Variants in GRM8 observed in about 807,000 individuals in gnomAD.
GRM8 encodes metabotropic glutamate receptor 8.
In GRM8, 47 loss-of-function variants were observed where a neutral mutation model predicts 87.2. That is an observed-to-expected ratio of 0.54 (90% CI 0.43 to 0.69). The LOEUF (loss-of-function observed/expected upper bound fraction) is 0.69. GRM8 is among the 30% of genes least tolerant of loss of function. The pLI, the probability that GRM8 is intolerant of heterozygous loss-of-function variation, is 0.00. For synonymous variants in GRM8, 396 were observed against 404.5 expected (o/e 0.98, Z 0.25); for missense variants, 1,019 against 1,139.2 (o/e 0.89, Z 1.52).
At chr7:127,242,016 T>C (rs1471167054) in intron 2 of GRM8, among the ~76,000 whole-genome samples, 1 of 152,200 alleles carries the variant, frequency 6.6e-6, no homozygotes, top group African/African-American at 2.4e-5. Context: ...AAATGCAACA[T>C]ATGGGTAATA....
intron 6 of GRM8, among the ~76,000 whole-genome samples, chr7:126,799,933 T>G (rs1822464854): frequency 6.6e-6 from 1 of 151,980 alleles, no homozygotes; most frequent in Admixed American, 6.6e-5. Flanking sequence ...TCCAGTAATC[T>G]CCTCCTTCTC....
At chr7:126,864,259 C>T (rs1274355527) in intron 6 of GRM8, among the ~76,000 whole-genome samples, 1 of 151,978 alleles carries the variant, frequency 6.6e-6, no homozygotes, top group Non-Finnish European at 1.5e-5. Flanking sequence ...CTGGTTGTTC[C>T]TTCAGTCTGG....
chr7:127,132,855 G>C (rs1356879961), intron 2 of GRM8, among the ~76,000 whole-genome samples: 2 of 152,088 alleles, frequency 1.3e-5, no homozygotes, highest in Non-Finnish European at 2.9e-5. Context: ...GCAAAAGCAG[G>C]GCACATAGCA....
At chr7:126,488,534 C>A (rs1221965252) in intron 9 of GRM8, among the ~76,000 whole-genome samples, 1 of 152,078 alleles carries the variant, frequency 6.6e-6, no homozygotes, top group East Asian at 1.9e-4. Context: ...GATTTTTTCA[C>A]TTTTGTAAAA....
At chr7:126,953,710 C>A (rs1808389825) in intron 3 of GRM8, among the ~76,000 whole-genome samples, 1 of 152,006 alleles carries the variant, frequency 6.6e-6, no homozygotes, top group African/African-American at 2.4e-5. Flanking sequence ...CCTGAGAGTG[C>A]CCAGGAACCG....
At chr7:126,844,462 C>T (rs548822219) in intron 6 of GRM8, among the ~76,000 whole-genome samples, 3 of 152,200 alleles carry the variant, frequency 2.0e-5, no homozygotes, top group South Asian at 4.1e-4. Flanking sequence ...CTTTAAATGT[C>T]CAAGTCCTTA....
At chr7:126,906,576 A>G (rs1802696768) in intron 3 of GRM8, among the ~76,000 whole-genome samples, 1 of 152,222 alleles carries the variant, frequency 6.6e-6, no homozygotes, top group Non-Finnish European at 1.5e-5. Context: ...CATTAGGTTC[A>G]TCAGCAGGAG....
chr7:126,476,853 A>T (rs1805971974), intron 9 of GRM8, among the ~76,000 whole-genome samples: 1 of 108,866 alleles, frequency 9.2e-6, no homozygotes, highest in South Asian at 3.1e-4. Context: ...CAAAAAAATA[A>T]AAAAAAAACT....
intron 2 of GRM8, among the ~76,000 whole-genome samples, chr7:127,108,091 T>C (rs1189968805): frequency 6.6e-6 from 1 of 152,160 alleles, no homozygotes; most frequent in African/African-American, 2.4e-5. Context: ...TGTGGGACCA[T>C]GAAAACCATC....
chr7:126,563,289 T>C (rs59689022), intron 8 of GRM8, among the ~76,000 whole-genome samples: 45,012 of 142,598 alleles, frequency 0.32, 7,468 homozygotes, highest in East Asian at 0.43. Context: ...TGCCCTGTGG[T>C]TTTTTTTTAA....
intron 7 of GRM8, among the ~76,000 whole-genome samples, chr7:126,759,197 C>G (rs1473865071): frequency 6.6e-6 from 1 of 151,730 alleles, no homozygotes; most frequent in African/African-American, 2.4e-5. Flanking sequence ...GCGCCCAGCC[C>G]CTGTCCCTCA....
At chr7:126,739,568 TC>T (rs1325383772) in intron 7 of GRM8, among the ~76,000 whole-genome samples, 1 of 152,162 alleles carries the variant, frequency 6.6e-6, no homozygotes, top group Non-Finnish European at 1.5e-5. Flanking sequence ...TTATATCACT[TC>T]TTTCCAAGAG....
chr7:126,520,713 T>TA, intron 9 of GRM8, among the ~76,000 whole-genome samples: 1 of 152,134 alleles, frequency 6.6e-6, no homozygotes, highest in African/African-American at 2.4e-5. Context: ...GCGCTATACA[T>TA]AAAAAATATA....
intron 7 of GRM8, among the ~76,000 whole-genome samples, chr7:126,681,971 G>A (rs1807646909): frequency 6.6e-6 from 1 of 151,980 alleles, no homozygotes; most frequent in Non-Finnish European, 1.5e-5. Context: ...TGAATTTGAT[G>A]AGCCATCCCA....
At chr7:126,998,510 A>G (rs1761283974) in intron 3 of GRM8, among the ~76,000 whole-genome samples, 2 of 151,866 alleles carry the variant, frequency 1.3e-5, no homozygotes, top group African/African-American at 2.4e-5. Context: ...GTATTATATT[A>G]TATTTGGTAA....
chr7:127,205,460 A>G (rs1040970143), intron 2 of GRM8, among the ~76,000 whole-genome samples: 1 of 152,088 alleles, frequency 6.6e-6, no homozygotes, highest in African/African-American at 2.4e-5. Context: ...TATGCACAAA[A>G]CCAACCACTC....
chr7:127,210,447 CA>C (rs1198671588), intron 2 of GRM8, among the ~76,000 whole-genome samples: 1 of 152,158 alleles, frequency 6.6e-6, no homozygotes, highest in Non-Finnish European at 1.5e-5. Context: ...AACAATGGAG[CA>C]GTGGTGTTGT....
intron 1 of GRM8, among the ~76,000 whole-genome samples, chr7:127,251,718 G>T (rs912681543): frequency 6.6e-6 from 1 of 151,114 alleles, no homozygotes; most frequent in Non-Finnish European, 1.5e-5. Flanking sequence ...CGCCCCGCGC[G>T]GGGCCGCCCG....
chr7:126,830,169 C>T (rs1270560616), intron 6 of GRM8, among the ~76,000 whole-genome samples: 3 of 152,190 alleles, frequency 2.0e-5, no homozygotes, highest in Non-Finnish European at 2.9e-5. Context: ...GTGAATCTGA[C>T]AATTATGTGT....
Sources: allele counts gnomAD v4.1 joint callset (sites outside exome capture counted in the v4.1 genomes callset), GRCh38; gene constraint gnomAD v4.1.1; transcripts MANE v1.5; gene names NCBI Gene and HGNC (gene_info 2026-07-23, HGNC 2026-07-21).